The following SPI1 variants were observed in gnomAD, a reference collection of about 807,000 sequenced individuals.
SPI1 encodes the protein Spi-1 proto-oncogene.
In SPI1, 3 loss-of-function variants were observed where a neutral mutation model predicts 30.7. That is an observed-to-expected ratio of 0.10 (90% CI 0.04 to 0.25). The LOEUF is 0.25. SPI1 is among the 10% of genes least tolerant of loss of function. The pLI, the probability that SPI1 is intolerant of heterozygous loss-of-function variation, is 1.00. For missense variants in SPI1, 261 were observed against 371.5 expected (o/e 0.70, Z 2.45); for synonymous variants, 169 against 157.1 (o/e 1.08, Z -0.56).
Position 47,354,902 on chromosome 11 carries a change from T to G in SPI1, c.*325A>C. 5 of 249,944 alleles carry G rather than the reference T, an allele frequency of 2.0e-5. No individual in the cohort carries two copies. The highest frequency in any genetic ancestry group is 1.2e-3 in the Middle Eastern group (1 of 810). The allele number at this position is 249,944 out of a possible 1,614,324, so 15.5% of individuals were successfully genotyped here. A position where few individuals can be genotyped will look rare whatever the true frequency, so the allele number is the denominator to read the frequency against. On this transcript the variant is annotated 3_prime_UTR_variant, in exon 5 of 5. Transcript: ENST00000378538. The stretch of plus-strand genomic sequence containing the variant: ...TACTTGTTTTTTGGGAGGAGGTTAA[T>G]GGGTGGGAGGGGTGAGAGGGGAGAT...
At chr11:47,364,658 C>T (rs2095925938) in intron 2 of SPI1, among the ~76,000 whole-genome samples, 1 of 152,122 alleles carries the variant, frequency 6.6e-6, no homozygotes, top group Non-Finnish European at 1.5e-5. Flanking sequence ...TAAGAGGCAC[C>T]CAATTGCTCT....
intron 4 of SPI1, 38 bp from the exon 5 acceptor site, chr11:47,355,584 C>T (rs757987729): frequency 4.0e-6 from 6 of 1,515,868 alleles, no homozygotes; most frequent in Non-Finnish European, 5.3e-6. Context: ...GGGCCCGGGG[C>T]CCACATGGGA....
At chr11:47,367,319 C>T (rs372617434) in intron 2 of SPI1, among the ~76,000 whole-genome samples, 10 of 151,944 alleles carry the variant, frequency 6.6e-5, no homozygotes, top group South Asian at 2.1e-4. Flanking sequence ...TTTGGGAGGC[C>T]GAGGTGGGTG....
intron 2 of SPI1, among the ~76,000 whole-genome samples, chr11:47,365,593 A>G (rs986280871): frequency 6.6e-6 from 1 of 152,220 alleles, no homozygotes; most frequent in Non-Finnish European, 1.5e-5. Flanking sequence ...ACCCACCTGT[A>G]TCTGACCCCA....
intron 4 of SPI1, 191 bp downstream of exon 4, chr11:47,358,653 C>T (rs2095915833): frequency 2.8e-6 from 2 of 714,108 alleles, no homozygotes; most frequent in Non-Finnish European, 5.1e-6. Context: ...TGCCCGTATG[C>T]ACTACACAGC....
At position 47,378,456 on chromosome 11, in the gene SPI1, G is replaced by T; in HGVS notation, c.-103C>A. ...TCAGGGGCTGGACGGTCGTGGGGCG[G>T]GTGCAGGGCTCAGGCCTGCCCCCTG... On this transcript the variant is annotated 5_prime_UTR_variant, in exon 1 of 5. Transcript: ENST00000378538. 1 of 1,326,408 alleles carries T rather than the reference G, an allele frequency of 7.5e-7. No individual in the cohort carries two copies. The highest frequency in any genetic ancestry group is 1.1e-6 in the Non-Finnish European group (1 of 946,828). 82.2% of individuals were successfully genotyped at this position (1,326,408 alleles called of 1,614,324 possible). A position where few individuals can be genotyped will look rare whatever the true frequency, so the allele number is the denominator to read the frequency against.
At chr11:47,362,570 C>CTTTTT (rs377422572) in intron 2 of SPI1, among the ~76,000 whole-genome samples, 5 of 108,042 alleles carry the variant, frequency 4.6e-5, no homozygotes, top group Non-Finnish European at 5.3e-5. Context: ...GACCCTGTCT[C>CTTTTT]TTTTTTTTTT....
At chr11:47,357,453 TCAGA>T (rs1164941012) in intron 4 of SPI1, among the ~76,000 whole-genome samples, 2 of 151,276 alleles carry the variant, frequency 1.3e-5, no homozygotes, top group African/African-American at 4.9e-5. Context: ...ACACAACCAC[TCAGA>T]CACCTACTTG....
chr11:47,377,696 C>G (rs1193054530), intron 1 of SPI1, among the ~76,000 whole-genome samples: 1 of 152,184 alleles, frequency 6.6e-6, no homozygotes, highest in Admixed American at 6.5e-5. Context: ...GGGGCCAGCC[C>G]TAACTGCACT....
chr11:47,357,355 C>CTTA (rs1467619840), intron 4 of SPI1, among the ~76,000 whole-genome samples: 1 of 72,840 alleles, frequency 1.4e-5, no homozygotes, highest in Admixed American at 1.2e-4. Context: ...ATATTTCACA[C>CTTA]CACTTACACT....
chr11:47,356,058 G>T (rs772839118), intron 4 of SPI1, among the ~76,000 whole-genome samples: 1 of 148,192 alleles, frequency 6.7e-6, no homozygotes, highest in Non-Finnish European at 1.5e-5. Context: ...CGTGCTCACA[G>T]ACTCACACCC....
In SPI1 at chr11:47,354,965, C is replaced by T. The variant is rs1472892029; in HGVS notation, c.*262G>A. 1.2e-5 allele frequency: 4 copies of T among 321,220 alleles called. No homozygotes were observed. The allele number at this position is 321,220 out of a possible 1,614,324, so 19.9% of individuals were successfully genotyped here. The stretch of plus-strand genomic sequence containing the variant: ...CGGACTTGAGACTCCCAAGGCAGTA[C>T]CCCGGGTCGTCCTCTGCAAGGTTGC... On this transcript the variant is annotated 3_prime_UTR_variant, in exon 5 of 5. Coordinates refer to ENST00000378538, the MANE Select transcript of SPI1 (RefSeq NM_003120.3).
intron 2 of SPI1, among the ~76,000 whole-genome samples, chr11:47,365,897 A>G (rs985871689): frequency 3.9e-5 from 6 of 152,250 alleles, no homozygotes; most frequent in African/African-American, 1.4e-4. Context: ...GGGTTTCACC[A>G]TGTTGGCCAG....
At chr11:47,355,661 C>A in intron 4 of SPI1, 115 bp from the exon 5 acceptor site, 1 of 879,728 alleles carries the variant, frequency 1.1e-6, no homozygotes, top group Non-Finnish European at 1.7e-6. Context: ...GGCAGGGGAA[C>A]GGCTGCCCCA....
chr11:47,377,819 C>T (rs181618112), intron 1 of SPI1, among the ~76,000 whole-genome samples: 1 of 152,352 alleles, frequency 6.6e-6, no homozygotes, highest in African/African-American at 2.4e-5. Flanking sequence ...CTGTGCCAGG[C>T]CCCAGACTGG....
At chr11:47,369,573 C>CAA (rs2095932966) in intron 2 of SPI1, among the ~76,000 whole-genome samples, 1 of 104,940 alleles carries the variant, frequency 9.5e-6, no homozygotes, top group African/African-American at 3.4e-5. Context: ...AAAAAAAAAA[C>CAA]AACAAATGAA....
rs140278101 is a variant in SPI1 at position 47,355,533 on chromosome 11, C to T, written c.507G>A (p.Lys169=). 3 of 1,579,176 alleles carry T rather than the reference C, an allele frequency of 1.9e-6. No individual in the cohort carries two copies. Among genetic ancestry groups the T allele is most frequent in the African/African-American group, 2.7e-5 (2 of 72,818 alleles). Residue 169 remains lysine, a synonymous_variant, in exon 5 of 5, where the codon AAG becomes AAA. Coordinates refer to ENST00000378538, the MANE Select transcript of SPI1 (RefSeq NM_003120.3). ...CCAACAGGAACTGGTACAGGCGGAT[C>T]TTCTTCTTGCTGCCTGCGGGGGGGA... ...LLPGETGSKK[K]IRLYQFLLDL...
chr11:47,376,949 T>A (rs773894049), intron 1 of SPI1, among the ~76,000 whole-genome samples: 27 of 152,288 alleles, frequency 1.8e-4, no homozygotes, highest in Non-Finnish European at 3.8e-4. Flanking sequence ...GAGTTCAGAA[T>A]TGAGAGGTCA....
intron 2 of SPI1, among the ~76,000 whole-genome samples, chr11:47,367,247 T>C (rs562689704): frequency 1.3e-5 from 2 of 152,196 alleles, no homozygotes; most frequent in Admixed American, 1.3e-4. Flanking sequence ...ATTTTGGAAC[T>C]CTTTTCTTCA....
Sources: allele counts gnomAD v4.1 joint callset (sites outside exome capture counted in the v4.1 genomes callset), GRCh38; gene constraint gnomAD v4.1.1; transcripts MANE v1.5; gene names NCBI Gene and HGNC (gene_info 2026-07-23, HGNC 2026-07-21).